Variants in CNTN4 observed in about 807,000 individuals in gnomAD.
CNTN4 encodes contactin-4.
CNTN4 carries 77 observed loss-of-function variants against 122.5 expected under a neutral mutation model. That is an observed-to-expected ratio of 0.63 (90% confidence interval 0.52 to 0.76). The LOEUF (loss-of-function observed/expected upper bound fraction) is 0.76. CNTN4 is among the 30% of genes least tolerant of loss of function. The pLI, the probability that CNTN4 is intolerant of heterozygous loss-of-function variation, is 0.00. For synonymous variants in CNTN4, 512 were observed against 447.0 expected, an observed-to-expected ratio of 1.15 and a Z score of -1.83; for missense variants, 1,256 against 1,259.1, an observed-to-expected ratio of 1.00 and a Z score of 0.04.
At chr3:2,329,098 C>G (rs560643989) in intron 2 of CNTN4, among the ~76,000 whole-genome samples, 1 of 152,084 alleles carries the variant, frequency 6.6e-6, no homozygotes, top group South Asian at 2.1e-4. Flanking sequence ...GGAAAATTAA[C>G]ATAAAAATAA....
chr3:3,021,089 C>T (rs1216037890), intron 14 of CNTN4, among the ~76,000 whole-genome samples: 1 of 152,142 alleles, frequency 6.6e-6, no homozygotes, highest in Admixed American at 6.5e-5. Context: ...AGCTGCCAAT[C>T]CCCCAGCATG....
chr3:2,332,386 A>G (rs146765429), intron 2 of CNTN4, among the ~76,000 whole-genome samples: 1,555 of 152,202 alleles, frequency 0.01, 11 homozygotes, highest in Non-Finnish European at 0.014. Context: ...AGTCTTTTAT[A>G]TTTACAGGAT....
At chr3:2,931,467 C>T (rs538548605) in intron 13 of CNTN4, among the ~76,000 whole-genome samples, 4 of 152,214 alleles carry the variant, frequency 2.6e-5, no homozygotes, top group Admixed American at 1.3e-4. Flanking sequence ...CAAGTGGTGA[C>T]GTCATTCAAA....
intron 4 of CNTN4, among the ~76,000 whole-genome samples, chr3:2,578,769 A>G (rs999217974): frequency 6.6e-6 from 1 of 152,152 alleles, no homozygotes; most frequent in African/African-American, 2.4e-5. Context: ...TGTTTGCTCT[A>G]CGCTCTCTCA....
intron 3 of CNTN4, among the ~76,000 whole-genome samples, chr3:2,529,174 A>G (rs896019144): frequency 6.6e-6 from 1 of 152,046 alleles, no homozygotes; most frequent in Admixed American, 6.6e-5. Flanking sequence ...AACTTTTCTT[A>G]GCTTCTACAC....
intron 3 of CNTN4, among the ~76,000 whole-genome samples, chr3:2,513,467 G>T (rs928501216): frequency 6.6e-6 from 1 of 152,014 alleles, no homozygotes; most frequent in African/African-American, 2.4e-5. Flanking sequence ...CTACTTGGTT[G>T]AGTAAATAGT....
intron 4 of CNTN4, among the ~76,000 whole-genome samples, chr3:2,622,529 C>T (rs1427430085): frequency 2.0e-5 from 3 of 152,056 alleles, no homozygotes; most frequent in Non-Finnish European, 2.9e-5. Flanking sequence ...CCACCTCGGC[C>T]TCCCAGAGCT....
intron 14 of CNTN4, among the ~76,000 whole-genome samples, chr3:3,025,648 G>A (rs556448369): frequency 6.6e-6 from 1 of 151,984 alleles, no homozygotes; most frequent in Non-Finnish European, 1.5e-5. Context: ...TAAATTACCT[G>A]TGCTAAAACA....
chr3:2,140,115 T>A (rs1385767129), intron 2 of CNTN4, among the ~76,000 whole-genome samples: 2 of 152,168 alleles, frequency 1.3e-5, no homozygotes, highest in Non-Finnish European at 2.9e-5. Flanking sequence ...TTGCTTCTCC[T>A]TTGCCTTCCA....
At chr3:2,172,376 T>C (rs1386784831) in intron 2 of CNTN4, among the ~76,000 whole-genome samples, 1 of 152,074 alleles carries the variant, frequency 6.6e-6, no homozygotes, top group African/African-American at 2.4e-5. Context: ...ATAAGAATGA[T>C]TTAATGGACT....
intron 2 of CNTN4, among the ~76,000 whole-genome samples, chr3:2,256,406 A>T (rs1222914514): frequency 6.6e-6 from 1 of 152,218 alleles, no homozygotes; most frequent in Non-Finnish European, 1.5e-5. Flanking sequence ...ATTCCAAACA[A>T]TAGAAAAAGA....
chr3:2,971,155 T>C (rs1011442121), intron 13 of CNTN4, among the ~76,000 whole-genome samples: 2 of 152,204 alleles, frequency 1.3e-5, no homozygotes, highest in African/African-American at 4.8e-5. Context: ...GAAGAATATA[T>C]TGACTGTTTA....
chr3:2,577,099 C>G (rs1393488756), intron 4 of CNTN4, among the ~76,000 whole-genome samples: 1 of 152,198 alleles, frequency 6.6e-6, no homozygotes, highest in Non-Finnish European at 1.5e-5. Flanking sequence ...TGGATTGAGT[C>G]TCAGTTTCCC....
rs1699629670 is a variant in CNTN4 at position 3,036,618 on chromosome 3, AT to A, written c.1943-560del. 1.3e-4 allele frequency among the ~76,000 whole-genome samples: 20 copies of A among 151,442 alleles called. No homozygotes were observed. The South Asian group carries it at 3.4e-3, about 25-fold the overall frequency. The stretch of plus-strand genomic sequence containing the variant: ...TCTCTACTAAAAATACAAAAAAAAA[AT>A]AGACAGGCATAGTGGCATGCACCTG... On this transcript the variant is annotated intron_variant, in intron 17 of 24. Transcript: ENST00000418658.
chr3:3,038,807 T>C, intron 18 of CNTN4, 126 bp from the exon 19 acceptor site: 1 of 714,610 alleles, frequency 1.4e-6, no homozygotes, highest in South Asian at 1.7e-5. Flanking sequence ...CTGTTGCTGA[T>C]CTCCAGAGAC....
chr3:2,817,141 G>C (rs781392009), intron 6 of CNTN4, among the ~76,000 whole-genome samples: 3 of 152,218 alleles, frequency 2.0e-5, no homozygotes, highest in Admixed American at 6.5e-5. Context: ...GCTTGCTCTA[G>C]TGTGCGTTTG....
chr3:2,326,485 TACACACAC>T (rs10557917), intron 2 of CNTN4, among the ~76,000 whole-genome samples: 3,852 of 126,040 alleles, frequency 0.031, 97 homozygotes, highest in African/African-American at 0.07. Context: ...CTAATAAATT[TACACACAC>T]ACACACACAC....
Position 3,056,229 on chromosome 3 carries a change from A to C in CNTN4, c.*9A>C. The C allele has an allele frequency of 6.3e-7, 1 of 1,598,060 alleles. No individual in the cohort carries two copies. The highest frequency in any genetic ancestry group is 2.2e-5 in the East Asian group (1 of 44,810). ...CTAGGTCCAGTTTATGACAAAAGTT[A>C]TCTGAAGGACTTGCTGTTTATAATA... On this transcript the variant is annotated 3_prime_UTR_variant, in exon 25 of 25. Transcript: ENST00000418658.
intron 2 of CNTN4, among the ~76,000 whole-genome samples, chr3:2,162,267 A>G (rs11717878): frequency 0.34 from 52,002 of 152,070 alleles, 9,529 homozygotes; most frequent in Admixed American, 0.44. Flanking sequence ...AATAGTTTTT[A>G]TTCAGAGTTC....
Sources: allele counts gnomAD v4.1 joint callset (sites outside exome capture counted in the v4.1 genomes callset), GRCh38; gene constraint gnomAD v4.1.1; transcripts MANE v1.5; gene names NCBI Gene and HGNC (gene_info 2026-07-23, HGNC 2026-07-21).